The following AGAP1 variants were observed in gnomAD, a reference collection of about 807,000 sequenced individuals.
AGAP1 encodes arf-GAP with GTPase, ANK repeat and PH domain-containing protein 1.
A neutral mutation model predicts 105.3 loss-of-function variants in AGAP1; 29 were observed. The ratio of observed to expected loss-of-function variants is 0.28; its 90% CI spans 0.21 to 0.38. The LOEUF (loss-of-function observed/expected upper bound fraction) is 0.38. AGAP1 is among the 10% of genes least tolerant of loss of function. The pLI is 1.00. For synonymous variants in AGAP1, 509 were observed against 485.9 expected, an observed-to-expected ratio of 1.05 and a Z score of -0.63; for missense variants, 998 against 1,165.1, an observed-to-expected ratio of 0.86 and a Z score of 2.09.
At chr2:235,832,916 A>G (rs551847008) in intron 9 of AGAP1, among the ~76,000 whole-genome samples, 143 of 152,258 alleles carry the variant, frequency 9.4e-4, no homozygotes, top group Non-Finnish European at 1.7e-3. Context: ...TCATGAGTGT[A>G]CAACAGGAGA....
At chr2:235,519,198 A>G (rs564195860) in intron 1 of AGAP1, among the ~76,000 whole-genome samples, 2 of 151,982 alleles carry the variant, frequency 1.3e-5, no homozygotes, top group Non-Finnish European at 2.9e-5. Flanking sequence ...TCAGCCTCCC[A>G]GGTAGCTAGG....
Position 236,050,805 on chromosome 2 carries a change from C to T in AGAP1, c.2114+1524C>T, listed in dbSNP as rs1337097292. ...TTATTAGAAAAGTTTGTTTATCCAT[C>T]CATTAAAATTTAGAAACCATTTGGA... On this transcript the variant is annotated intron_variant, in intron 16 of 17. Transcript: ENST00000304032. The surrounding 1 kb of genome is among the most constrained non-coding windows in gnomAD (Gnocchi z 4.0). Among the ~76,000 whole-genome samples the T allele has an allele frequency of 6.6e-6, 1 of 152,126 alleles. No homozygotes were observed. The highest frequency in any genetic ancestry group is 2.4e-5 in the African/African-American group (1 of 41,416).
intron 5 of AGAP1, among the ~76,000 whole-genome samples, chr2:235,749,972 G>T (rs1443595851): frequency 6.6e-6 from 1 of 152,192 alleles, no homozygotes; most frequent in Non-Finnish European, 1.5e-5. Context: ...CCTAGAAGAA[G>T]AATGCCAGTG....
chr2:235,636,341 A>T (rs2149297246), intron 1 of AGAP1, among the ~76,000 whole-genome samples: 1 of 152,116 alleles, frequency 6.6e-6, no homozygotes, highest in South Asian at 2.1e-4. Flanking sequence ...AATTTTTGGG[A>T]TGACCACTAA....
At chr2:235,892,351 TC>T (rs1399944469) in intron 10 of AGAP1, among the ~76,000 whole-genome samples, 3 of 152,328 alleles carry the variant, frequency 2.0e-5, no homozygotes, top group South Asian at 4.1e-4. Context: ...GCTTGGACTC[TC>T]CTGCAACACA....
chr2:235,754,817 G>A lies in AGAP1; in HGVS notation c.673+4329G>A, dbSNP rs552897393. Among the ~76,000 whole-genome samples, 41 of 152,310 alleles carry A rather than the reference G, an allele frequency of 2.7e-4. No individual in the cohort carries two copies. The highest frequency in any genetic ancestry group is 8.9e-4 in the African/African-American group (37 of 41,556). ...AAGCGCAGGCAGGGTCCCTTCCTCC[G>A]TGAAGTTAAGGTCCACTAGGGAGGG... On this transcript the variant is annotated intron_variant, in intron 6 of 17. Coordinates refer to ENST00000304032, the MANE Select transcript of AGAP1 (RefSeq NM_001037131.3). This position sits in a 1 kb window ranked among gnomAD's most constrained non-coding sequence, Gnocchi z 4.6.
At chr2:235,558,726 C>T (rs900397243) in intron 1 of AGAP1, among the ~76,000 whole-genome samples, 3 of 152,242 alleles carry the variant, frequency 2.0e-5, no homozygotes, top group East Asian at 1.9e-4. Context: ...AAGATGCACC[C>T]GCTTTCAGCC....
intron 6 of AGAP1, chr2:235,776,917 G>A: frequency 2.1e-6 from 1 of 470,954 alleles, no homozygotes; most frequent in Middle Eastern, 3.4e-4. Context: ...CGCCAAACTG[G>A]AATCAGCCTC....
At chr2:236,011,126 G>A (rs748205113) in intron 13 of AGAP1, among the ~76,000 whole-genome samples, 12 of 152,282 alleles carry the variant, frequency 7.9e-5, no homozygotes, top group Non-Finnish European at 1.8e-4. Flanking sequence ...CCCAGCAGTC[G>A]GTGGTGATTC....
chr2:235,855,115 C>CA lies in AGAP1; in HGVS notation c.1051-28223dup, dbSNP rs1038876046. ...CAGAAAAGTAGAAAAGGTTTAAAGG[C>CA]AAAAAAAGCTGAAGGTATTTGTCTG... On this transcript the variant is annotated intron_variant, in intron 9 of 17. Coordinates refer to ENST00000304032, the MANE Select transcript of AGAP1 (RefSeq NM_001037131.3). This position sits in a 1 kb window ranked among gnomAD's most constrained non-coding sequence, Gnocchi z 5.0. 2.0e-5 allele frequency among the ~76,000 whole-genome samples: 3 copies of CA among 151,972 alleles called. No individual in the cohort carries two copies. The highest frequency in any genetic ancestry group is 1.9e-4 in the East Asian group (1 of 5,180).
At chr2:235,672,020 A>G (rs933522838) in intron 1 of AGAP1, among the ~76,000 whole-genome samples, 1 of 151,966 alleles carries the variant, frequency 6.6e-6, no homozygotes, top group African/African-American at 2.4e-5. Flanking sequence ...TATTGTGGCC[A>G]CAGACAAGAG....
chr2:235,551,200 A>G lies in AGAP1; in HGVS notation c.163+56351A>G, dbSNP rs1413397065. 6.6e-6 allele frequency among the ~76,000 whole-genome samples: 1 copy of G among 152,152 alleles called. No homozygotes were observed. The highest frequency in any genetic ancestry group is 1.9e-4 in the East Asian group (1 of 5,172). ...GCTTGATGTCATCTGAGGTGGGGCC[A>G]CCCGGGAAAGGTCTTCATGTCTCAC... On this transcript the variant is annotated intron_variant, in intron 1 of 17. Coordinates refer to ENST00000304032, the MANE Select transcript of AGAP1 (RefSeq NM_001037131.3). The surrounding 1 kb of genome is among the most constrained non-coding windows in gnomAD (Gnocchi z 4.8).
chr2:235,781,044 A>G (rs1239236741), intron 6 of AGAP1, among the ~76,000 whole-genome samples: 1 of 152,234 alleles, frequency 6.6e-6, no homozygotes, highest in Middle Eastern at 3.2e-3. Flanking sequence ...CCAAACTAAT[A>G]ATGACAGAGG....
intron 16 of AGAP1, among the ~76,000 whole-genome samples, chr2:236,091,042 T>G (rs1398562880): frequency 6.6e-6 from 1 of 152,246 alleles, no homozygotes; most frequent in Non-Finnish European, 1.5e-5. Context: ...CCGGCCGTAA[T>G]CGTTCCTGGT....
intron 16 of AGAP1, among the ~76,000 whole-genome samples, chr2:236,117,944 C>T (rs772947265): frequency 6.6e-6 from 1 of 152,098 alleles, no homozygotes; most frequent in African/African-American, 2.4e-5. Context: ...CAGTTCTCAG[C>T]TGTAGCCAAG....
Position 235,927,830 on chromosome 2 carries a change from T to G in AGAP1, c.1325-2935T>G, listed in dbSNP as rs1037561973. On this transcript the variant is annotated intron_variant, in intron 11 of 17. Coordinates refer to ENST00000304032, the MANE Select transcript of AGAP1 (RefSeq NM_001037131.3). This position sits in a 1 kb window ranked among gnomAD's most constrained non-coding sequence, Gnocchi z 4.4. ...CTATTGAGTGCCATGTTGTCATCGTTGTCCCAAAGATGGAGGGACAGACAG... is the reference window on the plus strand; with the variant it reads ...CTATTGAGTGCCATGTTGTCATCGTGGTCCCAAAGATGGAGGGACAGACAG... Among the ~76,000 whole-genome samples, 3 of 152,220 alleles carry G rather than the reference T, an allele frequency of 2.0e-5. No individual in the cohort carries two copies. Among genetic ancestry groups the G allele is most frequent in the Non-Finnish European group, 4.4e-5 (3 of 68,036 alleles).
intron 12 of AGAP1, among the ~76,000 whole-genome samples, chr2:235,952,322 C>T (rs2053772455): frequency 1.3e-5 from 2 of 152,020 alleles, no homozygotes; most frequent in Middle Eastern, 3.2e-3. Flanking sequence ...ATTTTCTTTT[C>T]AGTGTCTGTC....
At chr2:235,628,064 C>G (rs6431392) in intron 1 of AGAP1, among the ~76,000 whole-genome samples, 1 of 152,080 alleles carries the variant, frequency 6.6e-6, no homozygotes, top group Admixed American at 6.5e-5. Context: ...GGCTTCCCCC[C>G]GAAGCAAGGT....
Position 235,908,720 on chromosome 2 carries a change from G to A in AGAP1, c.1156-18G>A. 3 of 1,551,514 alleles carry A rather than the reference G, an allele frequency of 1.9e-6. No individual in the cohort carries two copies. Among genetic ancestry groups the A allele is most frequent in the Non-Finnish European group, 2.6e-6 (3 of 1,143,420 alleles). On this transcript the variant is annotated intron_variant, in intron 10 of 17. Transcript: ENST00000304032. This position sits in a 1 kb window ranked among gnomAD's most constrained non-coding sequence, Gnocchi z 4.4. Reference sequence around the variant, plus strand: ...TTTTTTTTTTTTATCTCTCTTGGATGTTTAACATTTTCAACAGGATTACAT... The same window carrying A: ...TTTTTTTTTTTTATCTCTCTTGGATATTTAACATTTTCAACAGGATTACAT...
Sources: allele counts gnomAD v4.1 joint callset (sites outside exome capture counted in the v4.1 genomes callset), GRCh38; gene constraint gnomAD v4.1.1; non-coding constraint Gnocchi (gnomAD v3.1); transcripts MANE v1.5; gene names NCBI Gene and HGNC (gene_info 2026-07-23, HGNC 2026-07-21).